ITGBL1: variants seen among roughly 807,000 people sequenced by gnomAD.
ITGBL1 encodes the protein integrin beta-like protein 1.
Under a neutral mutation model 68.5 loss-of-function variants are expected in ITGBL1, and 51 were observed. That is an observed-to-expected ratio of 0.74 (90% CI 0.59 to 0.94). The LOEUF is 0.94. ITGBL1 is among the 40% of genes least tolerant of loss of function. The probability of loss-of-function intolerance (pLI) is 0.00; values close to 1 mark genes in which losing one functional copy is unlikely to be tolerated. For missense variants in ITGBL1, 649 were observed against 647.4 expected, an observed-to-expected ratio of 1.00 and a Z score of -0.03; for synonymous variants, 209 against 227.3, an observed-to-expected ratio of 0.92 and a Z score of 0.72.
intron 2 of ITGBL1, among the ~76,000 whole-genome samples, chr13:101,508,264 A>G (rs182626968): frequency 6.6e-6 from 1 of 152,266 alleles, no homozygotes; most frequent in East Asian, 1.9e-4. Context: ...GGCTTTATGT[A>G]TTTTATACAC....
At chr13:101,599,025 A>T (rs1366200697) in intron 7 of ITGBL1, among the ~76,000 whole-genome samples, 3 of 152,278 alleles carry the variant, frequency 2.0e-5, no homozygotes, top group East Asian at 1.9e-4. Context: ...ACTTCCACAA[A>T]GGTTGAACTA....
At chr13:101,509,826 A>C (rs2049086534) in intron 2 of ITGBL1, among the ~76,000 whole-genome samples, 1 of 152,092 alleles carries the variant, frequency 6.6e-6, no homozygotes, top group African/African-American at 2.4e-5. Context: ...CCATTTTTCA[A>C]GTTTCCTGTT....
At chr13:101,540,416 C>A (rs887243993) in intron 2 of ITGBL1, among the ~76,000 whole-genome samples, 1 of 152,134 alleles carries the variant, frequency 6.6e-6, no homozygotes, top group Admixed American at 6.6e-5. Context: ...GTCTATATCT[C>A]TGTTTTGGTA....
chr13:101,572,542 G>A (rs1296174), intron 3 of ITGBL1, among the ~76,000 whole-genome samples: 34,248 of 152,032 alleles, frequency 0.23, 3,846 homozygotes, highest in African/African-American at 0.23. Flanking sequence ...CAGAAGACCA[G>A]TCCTAGAGGC....
At chr13:101,502,984 G>A (rs952256291) in intron 2 of ITGBL1, among the ~76,000 whole-genome samples, 9 of 152,042 alleles carry the variant, frequency 5.9e-5, no homozygotes, top group East Asian at 5.8e-4. Flanking sequence ...TAATTCAAAC[G>A]CAGTGCTCTT....
At chr13:101,584,034 C>A (rs921979827) in intron 6 of ITGBL1, among the ~76,000 whole-genome samples, 4 of 152,208 alleles carry the variant, frequency 2.6e-5, no homozygotes, top group Non-Finnish European at 5.9e-5. Context: ...TAATACAGTG[C>A]TCAGGGTTAT....
At chr13:101,586,175 C>T (rs1037066826) in intron 6 of ITGBL1, among the ~76,000 whole-genome samples, 3 of 152,204 alleles carry the variant, frequency 2.0e-5, no homozygotes, top group Admixed American at 6.5e-5. Context: ...TCCACCTCAC[C>T]TATTCCCCTC....
intron 6 of ITGBL1, among the ~76,000 whole-genome samples, chr13:101,586,229 T>C (rs1359593343): frequency 1.3e-5 from 2 of 152,208 alleles, no homozygotes; most frequent in African/African-American, 4.8e-5. Context: ...TTTTCCTTTC[T>C]TTCATACCCT....
Position 101,555,603 on chromosome 13 carries a change from A to G in ITGBL1, c.317-12096A>G, listed in dbSNP as rs1428345055. On this transcript the variant is annotated intron_variant, in intron 2 of 10. Coordinates refer to ENST00000376180, the MANE Select transcript of ITGBL1 (RefSeq NM_004791.3). Reference sequence around the variant, plus strand: ...GGAATCTTAAAATAATACACAGACAACGCACACAAGAAAATATATATGCAT... The same window carrying G: ...GGAATCTTAAAATAATACACAGACAGCGCACACAAGAAAATATATATGCAT... 5.3e-5 allele frequency among the ~76,000 whole-genome samples: 8 copies of G among 152,170 alleles called. No individual in the cohort carries two copies. The East Asian group carries it at 1.2e-3, about 22-fold the overall frequency.
At chr13:101,615,350 G>A (rs1282919552) in intron 7 of ITGBL1, among the ~76,000 whole-genome samples, 1 of 152,072 alleles carries the variant, frequency 6.6e-6, no homozygotes, top group East Asian at 1.9e-4. Flanking sequence ...GGTCCTAGGT[G>A]GACATGAATT....
intron 7 of ITGBL1, among the ~76,000 whole-genome samples, chr13:101,645,133 C>T (rs1341297229): frequency 6.6e-6 from 1 of 152,050 alleles, no homozygotes; most frequent in Non-Finnish European, 1.5e-5. Flanking sequence ...GCTGGTGTGA[C>T]CACTGTGTAA....
intron 2 of ITGBL1, among the ~76,000 whole-genome samples, chr13:101,498,828 A>T (rs2048896393): frequency 6.6e-6 from 1 of 152,196 alleles, no homozygotes; most frequent in Admixed American, 6.5e-5. Context: ...GGTAATTTAT[A>T]CAGAGAAACA....
At chr13:101,561,821 T>C (rs1432327567) in intron 2 of ITGBL1, among the ~76,000 whole-genome samples, 1 of 152,114 alleles carries the variant, frequency 6.6e-6, no homozygotes, top group African/African-American at 2.4e-5. Flanking sequence ...CCTAAATAAA[T>C]GTAAAGGAAG....
At chr13:101,554,631 C>T (rs1425423605) in intron 2 of ITGBL1, among the ~76,000 whole-genome samples, 2 of 152,152 alleles carry the variant, frequency 1.3e-5, no homozygotes, top group African/African-American at 4.8e-5. Context: ...GCCACAAGTG[C>T]CTTATTCTGT....
chr13:101,628,431 CT>C (rs1217170673), intron 7 of ITGBL1, among the ~76,000 whole-genome samples: 3 of 148,424 alleles, frequency 2.0e-5, no homozygotes, highest in South Asian at 2.1e-4. Context: ...TTTTCTTTTT[CT>C]TTTTCTTTTT....
intron 7 of ITGBL1, among the ~76,000 whole-genome samples, chr13:101,662,691 G>A (rs1427871864): frequency 1.3e-5 from 2 of 151,832 alleles, no homozygotes; most frequent in Admixed American, 6.6e-5. Flanking sequence ...CTGGTAGAAT[G>A]TGAGGAAAAT....
At chr13:101,663,794 A>G (rs2033145448) in intron 7 of ITGBL1, among the ~76,000 whole-genome samples, 1 of 152,206 alleles carries the variant, frequency 6.6e-6, no homozygotes, top group Non-Finnish European at 1.5e-5. Context: ...TGTAAAATAA[A>G]CATTGCACTA....
intron 2 of ITGBL1, among the ~76,000 whole-genome samples, chr13:101,565,545 A>G (rs193120980): frequency 1.5e-3 from 222 of 152,318 alleles, no homozygotes; most frequent in African/African-American, 5.1e-3. Context: ...GAAGAAGCTG[A>G]AAACACATTA....
chr13:101,598,384 G>T (rs2030121772), intron 7 of ITGBL1, 85 bp downstream of exon 7: 1 of 1,140,240 alleles, frequency 8.8e-7, no homozygotes, highest in Non-Finnish European at 1.1e-6. Context: ...TTGTTTGTTT[G>T]TTTGTTTTTT....
Sources: allele counts gnomAD v4.1 joint callset (sites outside exome capture counted in the v4.1 genomes callset), GRCh38; gene constraint gnomAD v4.1.1; transcripts MANE v1.5; gene names NCBI Gene and HGNC (gene_info 2026-07-23, HGNC 2026-07-21).